Variants in ARHGAP26 observed in about 807,000 individuals in gnomAD.
ARHGAP26 encodes the protein Rho GTPase activating protein 26.
ARHGAP26 carries 38 observed loss-of-function variants against 104.8 expected under a neutral mutation model. The ratio of observed to expected loss-of-function variants is 0.36; its 90% confidence interval spans 0.28 to 0.48. ARHGAP26 has a LOEUF of 0.48. ARHGAP26 is among the 20% of genes least tolerant of loss of function. The pLI, the probability that ARHGAP26 is intolerant of heterozygous loss-of-function variation, is 0.99. For missense variants in ARHGAP26, 704 were observed against 947.9 expected (o/e 0.74, Z 3.38); for synonymous variants, 341 against 340.0 (o/e 1.00, Z -0.03).
rs1562163912 is a variant in ARHGAP26, at chr5:142,963,163, G to GATATATAT, written c.1107+31038_1107+31039insATATATAT. Among the ~76,000 whole-genome samples the GATATATAT allele has an allele frequency of 1.8e-3, 200 of 112,080 alleles. 8 individuals are homozygous for GATATATAT. The highest frequency in any genetic ancestry group is 4.5e-3 in the Middle Eastern group (1 of 220). The allele number at this position is 112,080 out of a possible 152,430, so 73.5% of individuals were successfully genotyped here. A position where few individuals can be genotyped will look rare whatever the true frequency, so the allele number is the denominator to read the frequency against. On this transcript the variant is annotated intron_variant, in intron 11 of 22. Coordinates refer to ENST00000645722, the MANE Select transcript of ARHGAP26 (RefSeq NM_001135608.3). ...TTTTTATGGCTGTGTAGTATTCCAT[G>GATATATAT]GTATATATGTATATATATATATATA... is the stretch of plus-strand genomic sequence containing the variant.
chr5:143,213,639 C>A (rs1809858337), intron 21 of ARHGAP26, among the ~76,000 whole-genome samples: 1 of 152,188 alleles, frequency 6.6e-6, no homozygotes, highest in African/African-American at 2.4e-5. Context: ...GAACTTCTTT[C>A]CTGCCCCTGC....
intron 14 of ARHGAP26, among the ~76,000 whole-genome samples, chr5:143,042,218 C>T (rs116648438): frequency 4.4e-4 from 67 of 152,310 alleles, no homozygotes; most frequent in Middle Eastern, 3.4e-3. Context: ...TTATGACTCC[C>T]TCCGTTCTCT....
At chr5:142,774,552 G>A (rs750524728) in intron 1 of ARHGAP26, among the ~76,000 whole-genome samples, 4 of 151,862 alleles carry the variant, frequency 2.6e-5, no homozygotes, top group Non-Finnish European at 5.9e-5. Flanking sequence ...TAGTACAGTT[G>A]TTATAGTTGA....
At chr5:142,947,543 G>C (rs1767342643) in intron 11 of ARHGAP26, among the ~76,000 whole-genome samples, 1 of 152,144 alleles carries the variant, frequency 6.6e-6, no homozygotes, top group Non-Finnish European at 1.5e-5. Flanking sequence ...GACCTGCTGA[G>C]GGCAGGGATT....
intron 11 of ARHGAP26, among the ~76,000 whole-genome samples, chr5:142,941,062 G>A (rs1458875302): frequency 2.7e-5 from 3 of 113,128 alleles, no homozygotes; most frequent in Non-Finnish European, 4.9e-5. Flanking sequence ...GCGACTGAGA[G>A]CGACTCCATC....
chr5:142,853,928 G>A (rs555873343), intron 1 of ARHGAP26, among the ~76,000 whole-genome samples: 1 of 152,274 alleles, frequency 6.6e-6, no homozygotes, highest in East Asian at 1.9e-4. Flanking sequence ...TTGAAGGAAC[G>A]AATGAAGCTG....
At chr5:143,140,670 C>T (rs1472110883) in intron 19 of ARHGAP26, among the ~76,000 whole-genome samples, 1 of 151,968 alleles carries the variant, frequency 6.6e-6, no homozygotes, top group Non-Finnish European at 1.5e-5. Context: ...TTCCCCCCGG[C>T]CCCTGAGACA....
At chr5:142,913,080 C>A in intron 9 of ARHGAP26, 119 bp from the exon 10 acceptor site, 1 of 879,434 alleles carries the variant, frequency 1.1e-6, no homozygotes. Context: ...TGCCCATGGT[C>A]ATGAGCACTC....
intron 4 of ARHGAP26, 77 bp downstream of exon 4, chr5:142,879,522 G>T: frequency 7.5e-7 from 1 of 1,326,126 alleles, no homozygotes. Context: ...TTAAAACAAA[G>T]TCTTCAGAAA....
chr5:143,037,249 G>T lies in ARHGAP26; in HGVS notation c.1198G>T (p.Val400Leu). Residue 400 changes from valine (V) to leucine (L), a missense_variant, in exon 13 of 23, where the codon GTG becomes TTG. By Grantham distance (32) the Val-to-Leu change is conservative. This residue lies in a region of ARHGAP26 where 287 missense variants were observed against 438.8 expected (regional missense o/e 0.65). Coordinates refer to ENST00000645722, the MANE Select transcript of ARHGAP26 (RefSeq NM_001135608.3). Reference protein sequence around the residue: ...FSIIRKCIHAVETRGINEQGL... With the variant: ...FSIIRKCIHALETRGINEQGL... ...CATAATCAGGAAATGCATCCATGCT[G>T]TGGAAACCAGAGGTAAAGTAGTTTA... is the stretch of plus-strand genomic sequence containing the variant. 6.3e-7 allele frequency: 1 copy of T among 1,599,810 alleles called. No homozygotes were observed. Among genetic ancestry groups the T allele is most frequent in the Non-Finnish European group, 8.6e-7 (1 of 1,169,308 alleles).
At chr5:143,214,507 G>A (rs971951317) in intron 22 of ARHGAP26, among the ~76,000 whole-genome samples, 2 of 152,094 alleles carry the variant, frequency 1.3e-5, no homozygotes, top group African/African-American at 4.8e-5. Context: ...TTCGAAAAAG[G>A]CCCTGATGCT....
chr5:143,051,270 A>G lies in ARHGAP26; in HGVS notation c.1286-3169A>G, dbSNP rs543898587. Among the ~76,000 whole-genome samples, 59 of 152,332 alleles carry G rather than the reference A, an allele frequency of 3.9e-4. 1 individual carries two copies. The Middle Eastern group carries it at 0.01, about 26-fold the overall frequency. Reference sequence around the variant, plus strand: ...CCCTTGGGACTGATCCAAGTGTGACATTTCTAAGACGTTCTCCGCTTATAA... The same window carrying G: ...CCCTTGGGACTGATCCAAGTGTGACGTTTCTAAGACGTTCTCCGCTTATAA... On this transcript the variant is annotated intron_variant, in intron 14 of 22. Transcript: ENST00000645722.
chr5:143,118,109 G>A (rs1458473518), intron 17 of ARHGAP26, among the ~76,000 whole-genome samples: 3 of 152,218 alleles, frequency 2.0e-5, no homozygotes, highest in African/African-American at 7.2e-5. Context: ...AAAGGAATGG[G>A]CCATTTGAGC....
chr5:143,134,858 C>T (rs1166954216), intron 19 of ARHGAP26, among the ~76,000 whole-genome samples: 1 of 152,262 alleles, frequency 6.6e-6, no homozygotes, highest in Non-Finnish European at 1.5e-5. Flanking sequence ...TGAAATTATG[C>T]ATTTCAGCAT....
rs1419030777 is a variant in ARHGAP26 at position 142,874,256 on chromosome 5, C to T, written c.250+761C>T. On this transcript the variant is annotated intron_variant, in intron 2 of 22. Transcript: ENST00000645722. ...TGGAGGATTCGCAATGTCAAGACAC[C>T]TTTCTTTGCCAGGGCCTTGTCATTG... Among the ~76,000 whole-genome samples the T allele has an allele frequency of 2.6e-5, 4 of 152,382 alleles. No individual in the cohort carries two copies. In the South Asian group the frequency reaches 6.2e-4, roughly 24 times the overall value.
In ARHGAP26 at chr5:142,927,213, T is replaced by G. The variant is rs928974346; in HGVS notation, c.1029-4834T>G. Among the ~76,000 whole-genome samples the G allele has an allele frequency of 2.0e-5, 3 of 152,222 alleles. No individual in the cohort carries two copies. The East Asian group carries it at 5.8e-4, about 29-fold the overall frequency. On this transcript the variant is annotated intron_variant, in intron 10 of 22. Coordinates refer to ENST00000645722, the MANE Select transcript of ARHGAP26 (RefSeq NM_001135608.3). ...AATGCATGACTCCAAAGTCTGTATT[T>G]TAATAACTTGTTATACACACACAAC...
rs74428029 is a variant in ARHGAP26, at chr5:143,166,151, C to T, written c.1988+18770C>T. 4.1e-3 allele frequency: 4,987 copies of T among 1,227,614 alleles called. 157 individuals carry two copies. In the African/African-American group the frequency reaches 0.073, roughly 18 times the overall value. The allele number at this position is 1,227,614 out of a possible 1,614,324, so 76.0% of individuals were successfully genotyped here. On this transcript the variant is annotated intron_variant, in intron 20 of 22. Transcript: ENST00000645722. ...CAGTCATATCTCAATTAAAGAATAA[C>T]ACACGCCCTTCCCCTAACTCATCTA...
At chr5:143,105,088 C>T (rs1379341494) in intron 17 of ARHGAP26, among the ~76,000 whole-genome samples, 1 of 152,014 alleles carries the variant, frequency 6.6e-6, no homozygotes, top group African/African-American at 2.4e-5. Context: ...AAAAATAGGC[C>T]TAATCGGCTG....
At chr5:143,146,539 G>C (rs1157972994) in intron 19 of ARHGAP26, among the ~76,000 whole-genome samples, 1 of 152,210 alleles carries the variant, frequency 6.6e-6, no homozygotes, top group Non-Finnish European at 1.5e-5. Context: ...CTCCAAGCAT[G>C]AATATGACTG....
Sources: allele counts gnomAD v4.1 joint callset (sites outside exome capture counted in the v4.1 genomes callset), GRCh38; gene constraint gnomAD v4.1.1; regional missense constraint gnomAD v4.1.1; transcripts MANE v1.5; gene names NCBI Gene and HGNC (gene_info 2026-07-23, HGNC 2026-07-21).